IPO5: variants seen among roughly 807,000 people sequenced by gnomAD.
The protein encoded by IPO5 is importin-5.
Under a neutral mutation model 143.3 loss-of-function variants are expected in IPO5, and 18 were observed. That is an observed-to-expected ratio of 0.13 (90% CI 0.09 to 0.19). The LOEUF (loss-of-function observed/expected upper bound fraction) is 0.19. IPO5 is among the 10% of genes least tolerant of loss of function. The pLI, the probability that IPO5 is intolerant of heterozygous loss-of-function variation, is 1.00. For missense variants in IPO5, 1,013 were observed against 1,336.9 expected (o/e 0.76, Z 3.78); for synonymous variants, 477 against 465.7 (o/e 1.02, Z -0.31).
At chr13:98,008,888 CTG>C (rs1210491444) in intron 18 of IPO5, among the ~76,000 whole-genome samples, 5 of 152,172 alleles carry the variant, frequency 3.3e-5, no homozygotes, top group African/African-American at 1.2e-4. Flanking sequence ...CATTGCCACA[CTG>C]TAATAGTTTA....
At chr13:97,995,124 C>T (rs1322828726) in intron 11 of IPO5, among the ~76,000 whole-genome samples, 2 of 76,436 alleles carry the variant, frequency 2.6e-5, no homozygotes, top group Non-Finnish European at 5.3e-5. Flanking sequence ...GACCCTGTCT[C>T]AAAAAAAAAA....
At chr13:97,984,936 CGGGAACTCGTAATGTTTGTTTGCATGA>C (rs1456022275) in intron 5 of IPO5, among the ~76,000 whole-genome samples, 1 of 150,876 alleles carries the variant, frequency 6.6e-6, no homozygotes, top group Non-Finnish European at 1.5e-5. Context: ...TTTTAGGTAT[CGGGAACTCGTAATGTTTGTTTGCATGA>C]AAGAAGCATT....
chr13:97,991,615 A>C, intron 9 of IPO5, among the ~76,000 whole-genome samples: 1 of 152,214 alleles, frequency 6.6e-6, no homozygotes, highest in Non-Finnish European at 1.5e-5. Flanking sequence ...GAAATACTCA[A>C]ATGCGCATTT....
rs61239241 is a variant in IPO5, at chr13:98,021,383, T to C, written c.3207+250T>C. The C allele has an allele frequency of 5.7e-3, 2,151 of 377,494 alleles. 89 individuals are homozygous for C. In the East Asian group the frequency reaches 0.083, roughly 15 times the overall value. 23.4% of individuals were successfully genotyped at this position (377,494 alleles called of 1,614,324 possible). Reference sequence around the variant, plus strand: ...CCAGTTGGTGCTTAACACAAGCTTATGTGTAGTTTTTCTGCCTATCTTAAG... The same window carrying C: ...CCAGTTGGTGCTTAACACAAGCTTACGTGTAGTTTTTCTGCCTATCTTAAG... On this transcript the variant is annotated intron_variant, in intron 28 of 28. Transcript: ENST00000651721.
At chr13:97,991,077 AT>A (rs1462868115) in intron 9 of IPO5, among the ~76,000 whole-genome samples, 1 of 152,164 alleles carries the variant, frequency 6.6e-6, no homozygotes, top group African/African-American at 2.4e-5. Context: ...ATTAATTAAA[AT>A]TTAAAAGATT....
intron 5 of IPO5, among the ~76,000 whole-genome samples, chr13:97,983,588 T>C (rs909922897): frequency 4.0e-4 from 50 of 124,830 alleles, no homozygotes; most frequent in Non-Finnish European, 6.5e-4. Context: ...CTCATAAATA[T>C]TGAATGCCAT....
chr13:98,019,173 C>T (rs1443887016), intron 26 of IPO5, among the ~76,000 whole-genome samples: 1 of 152,018 alleles, frequency 6.6e-6, no homozygotes, highest in African/African-American at 2.4e-5. Flanking sequence ...AGGATGGTCT[C>T]GATCTCCTGA....
In IPO5 at chr13:98,013,229, G is replaced by T. The variant is rs962495686; in HGVS notation, c.2153-813G>T. 3.9e-5 allele frequency among the ~76,000 whole-genome samples: 6 copies of T among 152,098 alleles called. No individual in the cohort carries two copies. The East Asian group carries it at 1.2e-3, about 29-fold the overall frequency. ...CGCTACCATGCCCAGCTAATTTTTT[G>T]TATTTTTTGTTTGTTTGTTTTTGTT... On this transcript the variant is annotated intron_variant, in intron 21 of 28. Coordinates refer to ENST00000651721, the MANE Select transcript of IPO5 (RefSeq NM_002271.6).
At chr13:98,021,347 T>C in intron 28 of IPO5, 2 of 409,994 alleles carry the variant, frequency 4.9e-6, no homozygotes, top group Non-Finnish European at 8.4e-6. Context: ...TCTTAGGACA[T>C]TTTGAGCTTA....
At chr13:97,961,541 A>G (rs1026361193) in intron 2 of IPO5, among the ~76,000 whole-genome samples, 13 of 152,194 alleles carry the variant, frequency 8.5e-5, no homozygotes, top group African/African-American at 2.4e-4. Context: ...TTATGTTCCT[A>G]TTAGCAAAGT....
chr13:98,003,542 G>A (rs1247320972), intron 16 of IPO5, among the ~76,000 whole-genome samples: 1 of 152,022 alleles, frequency 6.6e-6, no homozygotes, highest in Non-Finnish European at 1.5e-5. Flanking sequence ...TTTGTTTCTG[G>A]CAGTTTGAAT....
chr13:98,008,912 A>G (rs1178848839), intron 18 of IPO5, among the ~76,000 whole-genome samples: 1 of 152,252 alleles, frequency 6.6e-6, no homozygotes, highest in East Asian at 1.9e-4. Context: ...ATAGGAAAAC[A>G]TACCATTTTG....
chr13:97,985,668 T>A, intron 6 of IPO5, 55 bp downstream of exon 6: 1 of 1,202,738 alleles, frequency 8.3e-7, no homozygotes, highest in Non-Finnish European at 1.2e-6. Context: ...CCTTCCTTTT[T>A]TTTTTTTTTA....
intron 2 of IPO5, among the ~76,000 whole-genome samples, chr13:97,959,005 CTACTAAAAA>C (rs1884662745): frequency 6.6e-6 from 1 of 151,976 alleles, no homozygotes; most frequent in Admixed American, 6.6e-5. Context: ...AACCTCGTCT[CTACTAAAAA>C]TACAAAAATT....
chr13:98,006,461 G>T, intron 17 of IPO5, 113 bp downstream of exon 17: 3 of 627,414 alleles, frequency 4.8e-6, no homozygotes, highest in Non-Finnish European at 7.6e-6. Flanking sequence ...TGCAAACTCT[G>T]CCTCCCAGGT....
intron 18 of IPO5, among the ~76,000 whole-genome samples, chr13:98,008,378 C>T (rs1192602626): frequency 6.6e-6 from 1 of 152,144 alleles, no homozygotes; most frequent in Non-Finnish European, 1.5e-5. Flanking sequence ...TGGGTTCTAT[C>T]CAAGGCTCTC....
rs1293868687 is a variant in IPO5, at chr13:97,982,507, C to T, written c.95C>T (p.Thr32Ile). 1.9e-6 allele frequency: 3 copies of T among 1,608,316 alleles called. No homozygotes were observed. The highest frequency in any genetic ancestry group is 2.6e-6 in the Non-Finnish European group (3 of 1,176,342). Residue 32 changes from threonine to isoleucine, a missense_variant, in exon 5 of 29, where the codon ACC becomes ATC. Transcript: ENST00000651721. ...DNVVRKQAEE[T>I]YENIPGQSKI... ...CATTTTTTTTTTTCCATGCAGGAAA[C>T]CTATGAGAATATCCCAGGCCAGTCA...
Position 98,006,276 on chromosome 13 carries a change from A to G in IPO5, c.1644A>G (p.Lys548=), listed in dbSNP as rs151265890. 79 of 1,613,698 alleles carry G rather than the reference A, an allele frequency of 4.9e-5. No individual in the cohort carries two copies. In the African/African-American group the frequency reaches 7.9e-4, roughly 16 times the overall value. ...ACATCGTTGAGAATGCGGTTCAAAA[A>G]GAACTGAGACTTCTGAGAGGAAAAA... ...LKHIVENAVQ[K]ELRLLRGKTI... Residue 548 remains lysine, a synonymous_variant, in exon 17 of 29, where the codon AAA becomes AAG. Transcript: ENST00000651721.
In IPO5 at chr13:97,990,564, T is replaced by A. The variant is rs373562164; in HGVS notation, c.669+27T>A. ...TATGAAAGCAATATAGAATAAATCA[T>A]AATTATATCTTATTTGGTTCTTTAA... On this transcript the variant is annotated intron_variant, in intron 9 of 28. Transcript: ENST00000651721. 1.7e-4 allele frequency: 222 copies of A among 1,270,646 alleles called. 1 individual carries two copies. The Middle Eastern group carries it at 4.7e-3, about 27-fold the overall frequency. The allele number at this position is 1,270,646 out of a possible 1,614,324, so 78.7% of individuals were successfully genotyped here.
Sources: allele counts gnomAD v4.1 joint callset (sites outside exome capture counted in the v4.1 genomes callset), GRCh38; gene constraint gnomAD v4.1.1; transcripts MANE v1.5; gene names NCBI Gene and HGNC (gene_info 2026-07-23, HGNC 2026-07-21).